Variants in PSMD3 observed in about 807,000 individuals in gnomAD.
The protein encoded by PSMD3 is 26S proteasome non-ATPase regulatory subunit 3.
PSMD3 carries 5 observed loss-of-function variants against 62.8 expected under a neutral mutation model. That is an observed-to-expected ratio of 0.08 (90% CI 0.04 to 0.17). The LOEUF is 0.17. PSMD3 is among the 10% of genes least tolerant of loss of function. The pLI is 1.00. For synonymous variants in PSMD3, 265 were observed against 283.9 expected (o/e 0.93, Z 0.67); for missense variants, 524 against 713.6 (o/e 0.73, Z 3.03).
intron 1 of PSMD3, 51 bp downstream of exon 1, chr17:39,981,241 C>T (rs1980377273): frequency 6.5e-7 from 1 of 1,546,082 alleles, no homozygotes; most frequent in South Asian, 1.2e-5. Context: ...GACAGCGACC[C>T]CTGTGATTTG....
Position 39,981,111 on chromosome 17 carries a change from G to A in PSMD3, c.141G>A (p.Ser47=), listed in dbSNP as rs3087852. 734,253 of 1,550,426 alleles carry A rather than the reference G, an allele frequency of 0.47. 175,983 individuals are homozygous for A. Among genetic ancestry groups the A allele is most frequent in the Middle Eastern group, 0.64 (3,789 of 5,926 alleles). Residue 47 remains serine, a synonymous_variant, in exon 1 of 12, where the codon TCG becomes TCA. Transcript: ENST00000264639. ...AGGAGGCAGCGACGGGTGGCGGGTC[G>A]ACGGGGGAGGCAGACGGCAAGACGG... ...MKEEAATGGG[S]TGEADGKTAA... is the part of the protein sequence containing the mutation.
chr17:39,997,604 G>C lies in PSMD3; in HGVS notation c.*23G>C, dbSNP rs758505819. On this transcript the variant is annotated 3_prime_UTR_variant, in exon 12 of 12. Transcript: ENST00000264639. ...TGAGCTGGGGGGCTGGGGAGGGGTA[G>C]GGGGAATGGGGACAGGCTCTTTCCC... 6.3e-7 allele frequency: 1 copy of C among 1,586,020 alleles called. No individual in the cohort carries two copies.
At chr17:39,991,534 CAG>C (rs1178442625) in intron 6 of PSMD3, among the ~76,000 whole-genome samples, 2 of 152,142 alleles carry the variant, frequency 1.3e-5, no homozygotes, top group African/African-American at 4.8e-5. Flanking sequence ...TGTGAAGTCA[CAG>C]AGCCCAGTAG....
chr17:39,986,995 A>C (rs1980541629), intron 3 of PSMD3, among the ~76,000 whole-genome samples: 2 of 152,284 alleles, frequency 1.3e-5, no homozygotes, highest in African/African-American at 2.4e-5. Flanking sequence ...TGGAGACAGA[A>C]AGACCTGGGT....
chr17:39,985,627 A>T (rs904897728), intron 2 of PSMD3, among the ~76,000 whole-genome samples: 1 of 152,224 alleles, frequency 6.6e-6, no homozygotes, highest in Non-Finnish European at 1.5e-5. Flanking sequence ...GGGGAAACTC[A>T]GAACATCCCT....
intron 4 of PSMD3, 48 bp downstream of exon 4, chr17:39,988,867 T>C (rs1980588653): frequency 6.2e-7 from 1 of 1,600,628 alleles, no homozygotes; most frequent in Non-Finnish European, 8.5e-7. Flanking sequence ...GTCAGAGACT[T>C]GGTCAGTCAC....
intron 10 of PSMD3, 40 bp from the exon 11 acceptor site, chr17:39,997,290 T>C: frequency 1.2e-6 from 2 of 1,606,438 alleles, no homozygotes; most frequent in Non-Finnish European, 8.5e-7. Context: ...CCTCACCTGC[T>C]TCCTTCCCTC....
chr17:39,993,106 G>A (rs1038957704), intron 6 of PSMD3: 2 of 152,216 alleles, frequency 1.3e-5, no homozygotes, highest in Non-Finnish European at 2.9e-5. Flanking sequence ...ACAGCAAAGT[G>A]TGACACGATT....
Position 39,997,790 on chromosome 17 carries a change from G to A in PSMD3, c.*209G>A. ...TACTGTACAGCAGGCAGGAGGGTGG[G>A]CAGGCAACCTCCCCGGGCAGGGTCC... On this transcript the variant is annotated 3_prime_UTR_variant, in exon 12 of 12. Coordinates refer to ENST00000264639, the MANE Select transcript of PSMD3 (RefSeq NM_002809.4). 1.6e-6 allele frequency: 1 copy of A among 612,580 alleles called. No homozygotes were observed. The highest frequency in any genetic ancestry group is 2.9e-6 in the Non-Finnish European group (1 of 348,112). 37.9% of individuals were successfully genotyped at this position (612,580 alleles called of 1,614,324 possible). A position where few individuals can be genotyped will look rare whatever the true frequency, so the allele number is the denominator to read the frequency against.
intron 2 of PSMD3, among the ~76,000 whole-genome samples, chr17:39,984,738 C>G (rs1248768315): frequency 3.3e-5 from 5 of 152,152 alleles, no homozygotes; most frequent in African/African-American, 4.8e-5. Flanking sequence ...CCTGTACCCC[C>G]TACTCCAGTT....
chr17:39,985,626 CAG>C (rs1980505969), intron 2 of PSMD3, among the ~76,000 whole-genome samples: 1 of 152,200 alleles, frequency 6.6e-6, no homozygotes, highest in Non-Finnish European at 1.5e-5. Flanking sequence ...TGGGGAAACT[CAG>C]AACATCCCTG....
At chr17:39,990,457 C>T (rs1296149994) in intron 6 of PSMD3, among the ~76,000 whole-genome samples, 1 of 152,096 alleles carries the variant, frequency 6.6e-6, no homozygotes, top group Non-Finnish European at 1.5e-5. Context: ...AGAAGGACTT[C>T]AACTTTTATT....
rs1324320365 is a variant in PSMD3 at position 39,997,692 on chromosome 17, T to C, written c.*111T>C. On this transcript the variant is annotated 3_prime_UTR_variant, in exon 12 of 12. Coordinates refer to ENST00000264639, the MANE Select transcript of PSMD3 (RefSeq NM_002809.4). The stretch of plus-strand genomic sequence containing the variant: ...TCCCACACACAGCTCATATGCTGCA[T>C]TCGTGCAGGGGGTGGGGGTGCTGGG... 1.6e-6 allele frequency: 2 copies of C among 1,276,986 alleles called. No individual in the cohort carries two copies. Among genetic ancestry groups the C allele is most frequent in the Non-Finnish European group, 2.2e-6 (2 of 906,010 alleles). 79.1% of individuals were successfully genotyped at this position (1,276,986 alleles called of 1,614,324 possible).
At position 39,981,009 on chromosome 17, in the gene PSMD3, C is replaced by G. The variant is rs1462085206; in HGVS notation, c.39C>G (p.Asp13Glu). The part of the protein sequence containing the change: ...QEGSARRRGA[D>E]KAKPPPGGGE... ...GCTCGGCGCGGCGCCGCGGCGCGGA[C>G]AAGGCGAAACCGCCGCCCGGCGGAG... Residue 13 changes from aspartate (D) to glutamate (E), a missense_variant, in exon 1 of 12, where the codon GAC becomes GAG. By Grantham distance (45) the Asp-to-Glu change is conservative. Coordinates refer to ENST00000264639, the MANE Select transcript of PSMD3 (RefSeq NM_002809.4). The G allele has an allele frequency of 1.8e-5, 28 of 1,548,768 alleles. No homozygotes were observed. Among genetic ancestry groups the G allele is most frequent in the Non-Finnish European group, 2.4e-5 (28 of 1,146,854 alleles).
chr17:39,986,042 T>A (rs60180657), intron 2 of PSMD3, among the ~76,000 whole-genome samples: 1 of 152,198 alleles, frequency 6.6e-6, no homozygotes, highest in East Asian at 1.9e-4. Flanking sequence ...AGAAATTTTT[T>A]GTTCTCCTGT....
chr17:39,982,251 C>T (rs1486964493), intron 1 of PSMD3, among the ~76,000 whole-genome samples: 2 of 151,554 alleles, frequency 1.3e-5, no homozygotes, highest in African/African-American at 4.9e-5. Flanking sequence ...GCAGCAATGT[C>T]AAAGGTGCCA....
chr17:39,983,595 ATC>A (rs1324006432), intron 1 of PSMD3, among the ~76,000 whole-genome samples: 1 of 152,216 alleles, frequency 6.6e-6, no homozygotes, highest in Non-Finnish European at 1.5e-5. Flanking sequence ...ATACACAGTT[ATC>A]TAAAAGGGTT....
Position 39,981,147 on chromosome 17 carries a change from G to T in PSMD3, c.177G>T (p.Ala59=). ...GEADGKTAAA[A]AEHSQRELDT... ...CAGACGGCAAGACGGCGGCGGCAGC[G>T]GCTGAGCACTCCCAGCGAGAGCTGG... Residue 59 remains alanine, a synonymous_variant, in exon 1 of 12, where the codon GCG becomes GCT. Transcript: ENST00000264639. 1 of 1,550,910 alleles carries T rather than the reference G, an allele frequency of 6.4e-7. No individual in the cohort carries two copies. The highest frequency in any genetic ancestry group is 8.7e-7 in the Non-Finnish European group (1 of 1,146,850).
intron 6 of PSMD3, 134 bp downstream of exon 6, chr17:39,990,331 G>T: frequency 1.3e-6 from 1 of 743,934 alleles, no homozygotes. Context: ...CCAAAGTGCT[G>T]GGATCACAGG....
Sources: gnomAD v4.1 joint callset for allele counts (sites outside exome capture counted in the v4.1 genomes callset) on GRCh38, gnomAD v4.1.1 for gene constraint, MANE v1.5 for transcripts, NCBI Gene and HGNC (gene_info 2026-07-23, HGNC 2026-07-21) for gene names.